The following CTNNA3 variants were observed in gnomAD, a reference collection of about 807,000 sequenced individuals.
CTNNA3 encodes catenin alpha 3.
In CTNNA3, 76 loss-of-function variants were observed where a neutral mutation model predicts 95.7. The ratio of observed to expected loss-of-function variants is 0.79; its 90% CI spans 0.66 to 0.96. The LOEUF (loss-of-function observed/expected upper bound fraction) is 0.96, where lower values mean the gene tolerates loss of function less well. CTNNA3 is among the 40% of genes least tolerant of loss of function. CTNNA3 has a pLI of 0.00. For synonymous variants in CTNNA3, 431 were observed against 374.4 expected (o/e 1.15, Z -1.74); for missense variants, 1,191 against 1,089.8 (o/e 1.09, Z -1.31).
chr10:66,788,141 T>C (rs1840820314), intron 7 of CTNNA3, among the ~76,000 whole-genome samples: 1 of 152,206 alleles, frequency 6.6e-6, no homozygotes, highest in African/African-American at 2.4e-5. Context: ...TATCATCTAG[T>C]TTGATTCAGA....
intron 13 of CTNNA3, among the ~76,000 whole-genome samples, chr10:66,226,844 A>G (rs1328205981): frequency 1.3e-5 from 2 of 151,668 alleles, no homozygotes; most frequent in African/African-American, 4.8e-5. Context: ...TGCTTTCTTA[A>G]TTTATTTTTC....
intron 5 of CTNNA3, among the ~76,000 whole-genome samples, chr10:67,500,040 A>T (rs1193912597): frequency 6.6e-6 from 1 of 151,576 alleles, no homozygotes; most frequent in Non-Finnish European, 1.5e-5. Context: ...TCAATTTTAG[A>T]TCTTTCCCAC....
intron 5 of CTNNA3, among the ~76,000 whole-genome samples, chr10:67,265,977 G>T (rs1476673810): frequency 6.6e-6 from 1 of 152,064 alleles, no homozygotes; most frequent in East Asian, 1.9e-4. Flanking sequence ...CTGCAAATCA[G>T]CCTTTTAATG....
At chr10:66,584,470 G>A (rs889766868) in intron 10 of CTNNA3, among the ~76,000 whole-genome samples, 2 of 151,710 alleles carry the variant, frequency 1.3e-5, no homozygotes, top group African/African-American at 4.8e-5. Context: ...TTGCTCTAAA[G>A]TCTATTTTAT....
At chr10:67,665,292 A>G (rs1000655432) in intron 1 of CTNNA3, among the ~76,000 whole-genome samples, 10 of 152,244 alleles carry the variant, frequency 6.6e-5, no homozygotes, top group African/African-American at 2.4e-4. Context: ...GCCTGCTAAT[A>G]TACTCGGAAA....
At chr10:67,276,460 G>A (rs1471043057) in intron 5 of CTNNA3, among the ~76,000 whole-genome samples, 1 of 152,074 alleles carries the variant, frequency 6.6e-6, no homozygotes, top group East Asian at 1.9e-4. Context: ...GTGCAGTATT[G>A]TTGGTATTAT....
At chr10:66,901,055 C>A (rs909381967) in intron 7 of CTNNA3, among the ~76,000 whole-genome samples, 1 of 152,154 alleles carries the variant, frequency 6.6e-6, no homozygotes, top group Admixed American at 6.5e-5. Context: ...TCGAGAAGAG[C>A]AACTGCAAGA....
chr10:67,213,012 T>C (rs1009917533), intron 6 of CTNNA3, among the ~76,000 whole-genome samples: 37 of 151,874 alleles, frequency 2.4e-4, no homozygotes, highest in African/African-American at 8.9e-4. Flanking sequence ...GACACTGCTG[T>C]AGAAATACAT....
chr10:66,456,201 G>A (rs1445050720), intron 11 of CTNNA3, among the ~76,000 whole-genome samples: 2 of 152,044 alleles, frequency 1.3e-5, no homozygotes, highest in African/African-American at 4.8e-5. Context: ...GATTAATATG[G>A]AAATTCAAAG....
chr10:66,013,857 A>G (rs562786910), intron 15 of CTNNA3, among the ~76,000 whole-genome samples: 3 of 152,178 alleles, frequency 2.0e-5, no homozygotes, highest in Non-Finnish European at 4.4e-5. Context: ...TGGCAATTCA[A>G]CATCTAAATA....
At chr10:66,799,199 G>T (rs1034681815) in intron 7 of CTNNA3, among the ~76,000 whole-genome samples, 4 of 150,780 alleles carry the variant, frequency 2.7e-5, no homozygotes, top group African/African-American at 4.9e-5. Context: ...ACTGTGAATA[G>T]CTTACAATAA....
In CTNNA3 at chr10:67,035,397, T is replaced by C. The variant is rs544842584; in HGVS notation, c.1047+144920A>G. 1.6e-4 allele frequency among the ~76,000 whole-genome samples: 25 copies of C among 152,300 alleles called. No homozygotes were observed. The South Asian group carries it at 1.9e-3, about 11-fold the overall frequency. On this transcript the variant is annotated intron_variant, in intron 7 of 17. Coordinates refer to ENST00000433211, the MANE Select transcript of CTNNA3 (RefSeq NM_013266.4). ...CTAAGGAGTTTGGAATGACTTTATA[T>C]TTATATGCGTTATTTAAAGTTAAGT...
chr10:67,557,794 T>C (rs2133246810), intron 3 of CTNNA3, among the ~76,000 whole-genome samples: 1 of 152,308 alleles, frequency 6.6e-6, no homozygotes, highest in Non-Finnish European at 1.5e-5. Context: ...AAGAACAACT[T>C]CTAATGCCAC....
At chr10:66,750,895 T>C (rs1839105757) in intron 9 of CTNNA3, among the ~76,000 whole-genome samples, 1 of 152,194 alleles carries the variant, frequency 6.6e-6, no homozygotes, top group Non-Finnish European at 1.5e-5. Context: ...ATCAGAGGTT[T>C]GTAGTTTTCC....
In CTNNA3 at chr10:66,871,281, G is replaced by T. The variant is rs530955218; in HGVS notation, c.1048-95757C>A. Among the ~76,000 whole-genome samples the T allele has an allele frequency of 9.7e-4, 147 of 152,158 alleles. 2 individuals carry two copies. The highest frequency in any genetic ancestry group is 3.3e-3 in the African/African-American group (138 of 41,522). On this transcript the variant is annotated intron_variant, in intron 7 of 17. Transcript: ENST00000433211. The stretch of plus-strand genomic sequence containing the variant: ...TGCTTTATACAAAGAAATTTAGGCT[G>T]GGCGCGGTGGCTCATGCCTGTAATC...
At chr10:66,569,515 GA>G (rs1842806167) in intron 10 of CTNNA3, among the ~76,000 whole-genome samples, 1 of 152,120 alleles carries the variant, frequency 6.6e-6, no homozygotes, top group Non-Finnish European at 1.5e-5. Flanking sequence ...TTAGCTGGAA[GA>G]AAACAGTAAT....
chr10:66,305,290 T>C (rs1009719611), intron 12 of CTNNA3, among the ~76,000 whole-genome samples: 4 of 152,222 alleles, frequency 2.6e-5, no homozygotes, highest in African/African-American at 9.6e-5. Flanking sequence ...TGCACACACA[T>C]ATCATGTTTG....
intron 7 of CTNNA3, among the ~76,000 whole-genome samples, chr10:67,129,084 A>G (rs929855306): frequency 2.6e-5 from 4 of 152,226 alleles, no homozygotes; most frequent in African/African-American, 9.6e-5. Flanking sequence ...AAACCCTTTG[A>G]TAAAAAGCAC....
At chr10:67,465,603 C>A (rs1310179905) in intron 5 of CTNNA3, among the ~76,000 whole-genome samples, 3 of 152,122 alleles carry the variant, frequency 2.0e-5, no homozygotes, top group African/African-American at 7.2e-5. Context: ...TACCATAAAA[C>A]AATTATCCTT....
Sources: allele counts gnomAD v4.1 joint callset (sites outside exome capture counted in the v4.1 genomes callset), GRCh38; gene constraint gnomAD v4.1.1; transcripts MANE v1.5; gene names NCBI Gene and HGNC (gene_info 2026-07-23, HGNC 2026-07-21).